Variants in FOCAD observed in about 807,000 individuals in gnomAD.
FOCAD encodes focadhesin.
A neutral mutation model predicts 225.6 loss-of-function variants in FOCAD; 198 were observed. The observed-to-expected ratio is 0.88, with a 90% CI of 0.78 to 0.99. The LOEUF (loss-of-function observed/expected upper bound fraction) is 0.99. FOCAD is among the 50% of genes least tolerant of loss of function. The probability of loss-of-function intolerance (pLI) is 0.00; values close to 1 mark genes in which losing one functional copy is unlikely to be tolerated. For synonymous variants in FOCAD, 897 were observed against 755.0 expected, an observed-to-expected ratio of 1.19 and a Z score of -3.08; for missense variants, 2,713 against 2,123.6, an observed-to-expected ratio of 1.28 and a Z score of -5.46.
In FOCAD at chr9:20,948,309, T is replaced by C; in HGVS notation, c.3714T>C (p.His1238=). The change falls in exon 31 of 44, where the codon CAT becomes CAC. Residue 1238 remains histidine (H), a synonymous_variant. Coordinates refer to ENST00000338382, the MANE Select transcript of FOCAD (RefSeq NM_001375567.1). ...CCCTGGCTTTAGGAAACATAGTTCA[T>C]GGATTGTCTGTGTGTGGACATGGAA... ...GFALALGNIV[H]GLSVCGHGKA... is the part of the protein sequence containing the mutation. 6.2e-7 allele frequency: 1 copy of C among 1,612,322 alleles called. No individual in the cohort carries two copies. The highest frequency in any genetic ancestry group is 2.2e-5 in the East Asian group (1 of 44,782).
At position 20,699,836 on chromosome 9, in the gene FOCAD, T is replaced by C. The variant is rs1823792579; in HGVS notation, c.-32-15486T>C. ...TATATGAAGAGCTACATATTACATC[T>C]TAACCCCTTCTTCGTTCTCCTCCTC... On this transcript the variant is annotated intron_variant, in intron 1 of 43. Transcript: ENST00000338382. 2.3e-5 allele frequency among the ~76,000 whole-genome samples: 3 copies of C among 128,922 alleles called. No homozygotes were observed. The South Asian group carries it at 8.2e-4, about 35-fold the overall frequency. The allele number at this position is 128,922 out of a possible 152,430, so 84.6% of individuals were successfully genotyped here. A position where few individuals can be genotyped will look rare whatever the true frequency, so the allele number is the denominator to read the frequency against.
chr9:20,707,174 G>C (rs1824458324), intron 1 of FOCAD, among the ~76,000 whole-genome samples: 1 of 152,154 alleles, frequency 6.6e-6, no homozygotes, highest in South Asian at 2.1e-4. Context: ...TGCTTTCTCT[G>C]ATTATAATAT....
chr9:20,768,899 T>C (rs1817881723), intron 7 of FOCAD, among the ~76,000 whole-genome samples: 1 of 152,146 alleles, frequency 6.6e-6, no homozygotes, highest in African/African-American at 2.4e-5. Flanking sequence ...ATTATGCTTG[T>C]TTAGAACTTT....
At chr9:20,957,184 C>A (rs1239743207) in intron 35 of FOCAD, among the ~76,000 whole-genome samples, 2 of 152,044 alleles carry the variant, frequency 1.3e-5, no homozygotes, top group East Asian at 1.9e-4. Flanking sequence ...CTGCCTCAGC[C>A]CCCCAGGTAG....
At chr9:20,775,012 T>C (rs1473018219) in intron 8 of FOCAD, among the ~76,000 whole-genome samples, 1 of 152,244 alleles carries the variant, frequency 6.6e-6, no homozygotes, top group African/African-American at 2.4e-5. Context: ...TGAAGTAGAA[T>C]GAAGTAGTCT....
Position 20,819,909 on chromosome 9 carries a change from GTTAA to G in FOCAD, c.1560+16_1560+19del, listed in dbSNP as rs1039456898. 12 of 1,459,578 alleles carry G rather than the reference GTTAA, an allele frequency of 8.2e-6. No individual in the cohort carries two copies. The African/African-American group carries it at 1.7e-4, about 21-fold the overall frequency. 90.4% of individuals were successfully genotyped at this position (1,459,578 alleles called of 1,614,324 possible). A position where few individuals can be genotyped will look rare whatever the true frequency, so the allele number is the denominator to read the frequency against. ...AGCTTGGTGTTCACAAGGTTAGTAT[GTTAA>G]TTAATTTAGTTGGCGAAAAAAGTGA... On this transcript the variant is annotated intron_variant, in intron 12 of 43. Transcript: ENST00000338382.
intron 37 of FOCAD, among the ~76,000 whole-genome samples, chr9:20,979,382 A>G (rs1163433075): frequency 1.3e-5 from 2 of 152,154 alleles, no homozygotes; most frequent in Non-Finnish European, 2.9e-5. Flanking sequence ...TCCATAGCCC[A>G]GGCTGGAGTG....
chr9:20,831,255 C>T (rs929833875), intron 15 of FOCAD, among the ~76,000 whole-genome samples: 1 of 151,888 alleles, frequency 6.6e-6, no homozygotes, highest in African/African-American at 2.4e-5. Context: ...GTGTTCAGGC[C>T]AGTTATCATT....
intron 5 of FOCAD, among the ~76,000 whole-genome samples, chr9:20,749,440 AATT>A (rs762772284): frequency 1.1e-4 from 17 of 152,060 alleles, no homozygotes; most frequent in Non-Finnish European, 1.8e-4. Flanking sequence ...TTTCCTTTTG[AATT>A]ATTATTTCTT....
intron 6 of FOCAD, among the ~76,000 whole-genome samples, chr9:20,759,294 C>T (rs1829350456): frequency 1.3e-5 from 2 of 152,140 alleles, no homozygotes; most frequent in South Asian, 2.1e-4. Context: ...AGGCATCACA[C>T]TACCTGACTT....
intron 15 of FOCAD, among the ~76,000 whole-genome samples, chr9:20,828,756 A>G (rs1387053731): frequency 1.3e-5 from 2 of 152,094 alleles, no homozygotes; most frequent in Non-Finnish European, 2.9e-5. Flanking sequence ...CCCAGCAGGC[A>G]TTAGCTATTT....
At chr9:20,955,487 A>T (rs1252463855) in intron 35 of FOCAD, among the ~76,000 whole-genome samples, 1 of 151,438 alleles carries the variant, frequency 6.6e-6, no homozygotes, top group Non-Finnish European at 1.5e-5. Flanking sequence ...TCAGTTTTTA[A>T]ATAATTCAAT....
chr9:20,976,523 C>T lies in FOCAD; in HGVS notation c.4236C>T (p.Leu1412=). ...QYPPVNWAAL[L]SPLMRLNFGE... Reference sequence around the variant, plus strand: ...CTCCTGTGAACTGGGCTGCACTTCTCTCTCCACTTATGAGGCTAAATTTTG... The same window carrying T: ...CTCCTGTGAACTGGGCTGCACTTCTTTCTCCACTTATGAGGCTAAATTTTG... The change falls in exon 36 of 44, where the codon CTC becomes CTT. Residue 1412 remains leucine, a synonymous_variant. Transcript: ENST00000338382. 1.2e-6 allele frequency: 2 copies of T among 1,613,210 alleles called. No individual in the cohort carries two copies. The highest frequency in any genetic ancestry group is 2.2e-5 in the East Asian group (1 of 44,850).
intron 35 of FOCAD, among the ~76,000 whole-genome samples, chr9:20,965,279 T>A (rs951495754): frequency 6.6e-6 from 1 of 152,180 alleles, no homozygotes; most frequent in Non-Finnish European, 1.5e-5. Context: ...GTTAGGGTAC[T>A]TTTTATTCCA....
chr9:20,790,115 A>G (rs929192092), intron 11 of FOCAD, among the ~76,000 whole-genome samples: 3 of 152,238 alleles, frequency 2.0e-5, no homozygotes, highest in Admixed American at 6.5e-5. Flanking sequence ...ACGGATCTGC[A>G]TGCTAGGATA....
intron 15 of FOCAD, among the ~76,000 whole-genome samples, chr9:20,861,692 G>A (rs1324781844): frequency 1.3e-5 from 2 of 152,002 alleles, no homozygotes; most frequent in East Asian, 3.8e-4. Context: ...ATTTATATTT[G>A]TAGGTAGAGA....
At chr9:20,749,778 G>A (rs1828377738) in intron 5 of FOCAD, among the ~76,000 whole-genome samples, 1 of 152,196 alleles carries the variant, frequency 6.6e-6, no homozygotes, top group African/African-American at 2.4e-5. Flanking sequence ...ATTCAGAGAT[G>A]TAGCAAGAAG....
At chr9:20,807,710 A>G (rs1205119879) in intron 11 of FOCAD, among the ~76,000 whole-genome samples, 2 of 152,196 alleles carry the variant, frequency 1.3e-5, no homozygotes, top group Admixed American at 1.3e-4. Flanking sequence ...AGGTAGTACA[A>G]ATTCCCAATG....
At chr9:20,716,227 G>A (rs1273051303) in intron 2 of FOCAD, 4 of 411,724 alleles carry the variant, frequency 9.7e-6, no homozygotes, top group African/African-American at 2.0e-5. Context: ...AGAAGAAGAT[G>A]AAGGCTTGGA....
Sources: gnomAD v4.1 joint callset for allele counts (sites outside exome capture counted in the v4.1 genomes callset) on GRCh38, gnomAD v4.1.1 for gene constraint, MANE v1.5 for transcripts, NCBI Gene and HGNC (gene_info 2026-07-23, HGNC 2026-07-21) for gene names.